Variants in MPP7 observed in about 807,000 individuals in gnomAD.
MPP7 encodes MAGUK p55 subfamily member 7.
In MPP7, 60 loss-of-function variants were observed where a neutral mutation model predicts 76.5. The ratio of observed to expected loss-of-function variants is 0.78; its 90% confidence interval spans 0.64 to 0.97. The LOEUF (loss-of-function observed/expected upper bound fraction) is 0.97, where lower values mean the gene tolerates loss of function less well. MPP7 is among the 50% of genes least tolerant of loss of function. The probability of loss-of-function intolerance (pLI) is 0.00; values close to 1 mark genes in which losing one functional copy is unlikely to be tolerated. For synonymous variants in MPP7, 237 were observed against 244.5 expected, an observed-to-expected ratio of 0.97 and a Z score of 0.29; for missense variants, 641 against 694.0, an observed-to-expected ratio of 0.92 and a Z score of 0.86.
intron 1 of MPP7, among the ~76,000 whole-genome samples, chr10:28,300,462 G>A (rs1312324725): frequency 6.6e-6 from 1 of 152,126 alleles, no homozygotes; most frequent in African/African-American, 2.4e-5. Flanking sequence ...GGAAATTTTT[G>A]CTTGGGTGCT....
intron 11 of MPP7, among the ~76,000 whole-genome samples, chr10:28,096,409 A>AT (rs961227241): frequency 2.6e-5 from 4 of 151,940 alleles, no homozygotes; most frequent in Admixed American, 2.0e-4. Context: ...AGTTGAGGGT[A>AT]TTTTTTTCAT....
chr10:28,287,995 G>A (rs570289840), intron 1 of MPP7, among the ~76,000 whole-genome samples: 26 of 152,222 alleles, frequency 1.7e-4, no homozygotes, highest in East Asian at 5.8e-4. Context: ...ATTAAAACAC[G>A]CCTCCATTTC....
At chr10:28,143,487 T>C (rs1835594877) in intron 5 of MPP7, among the ~76,000 whole-genome samples, 1 of 152,180 alleles carries the variant, frequency 6.6e-6, no homozygotes, top group African/African-American at 2.4e-5. Flanking sequence ...AAATCATGTA[T>C]ATTAATAAAT....
intron 1 of MPP7, among the ~76,000 whole-genome samples, chr10:28,296,262 G>A (rs61540243): frequency 0.018 from 2,668 of 152,176 alleles, 71 homozygotes; most frequent in African/African-American, 0.061. Flanking sequence ...GCACTGCCAA[G>A]AATGACCTTC....
intron 5 of MPP7, among the ~76,000 whole-genome samples, chr10:28,131,986 C>G (rs1835208347): frequency 1.3e-5 from 2 of 151,960 alleles, no homozygotes; most frequent in Non-Finnish European, 2.9e-5. Context: ...TGTACATTCT[C>G]TGGTTTATCC....
At chr10:28,274,342 G>A (rs568275128) in intron 1 of MPP7, among the ~76,000 whole-genome samples, 3 of 150,588 alleles carry the variant, frequency 2.0e-5, no homozygotes, top group South Asian at 4.3e-4. Flanking sequence ...CTCGTGATCC[G>A]CCCACCTCGG....
rs3064105 is a variant in MPP7, at chr10:28,217,537, AAAAAGAAAAG to A, written c.38-15276_38-15267del. 5.3e-3 allele frequency among the ~76,000 whole-genome samples: 729 copies of A among 138,150 alleles called. 4 individuals are homozygous for A. Among genetic ancestry groups the A allele is most frequent in the Non-Finnish European group, 7.0e-3 (457 of 65,504 alleles). The allele number at this position is 138,150 out of a possible 152,430, so 90.6% of individuals were successfully genotyped here. On this transcript the variant is annotated intron_variant, in intron 2 of 16. Transcript: ENST00000683449. Reference sequence around the variant, plus strand: ...GTGAGACTCTGTCTCAAAAAAAAAAAAAAAGAAAAGAAAAGAAAAGAAAAGAAAAACTGCA... The same window carrying A: ...GTGAGACTCTGTCTCAAAAAAAAAAAAAAAGAAAAGAAAAGAAAAACTGCA...
intron 3 of MPP7, among the ~76,000 whole-genome samples, chr10:28,177,958 G>T (rs893809340): frequency 6.6e-5 from 10 of 152,090 alleles, no homozygotes; most frequent in Non-Finnish European, 1.0e-4. Context: ...CAGATTCCAG[G>T]TCTCTCTGAT....
At chr10:28,086,702 C>T (rs1853027128) in intron 12 of MPP7, among the ~76,000 whole-genome samples, 1 of 152,144 alleles carries the variant, frequency 6.6e-6, no homozygotes, top group African/African-American at 2.4e-5. Context: ...TTCCATTACA[C>T]AGTTTTGAGG....
At chr10:28,114,052 C>T (rs773515843) in intron 11 of MPP7, among the ~76,000 whole-genome samples, 1 of 152,156 alleles carries the variant, frequency 6.6e-6, no homozygotes, top group Non-Finnish European at 1.5e-5. Flanking sequence ...CTGCTATCTT[C>T]AAGTACATTA....
intron 13 of MPP7, 42 bp downstream of exon 13, chr10:28,069,730 C>A (rs7919895): frequency 2.8e-6 from 4 of 1,418,220 alleles, no homozygotes; most frequent in Non-Finnish European, 3.8e-6. Flanking sequence ...TTAAAATTAT[C>A]GTAAGTGTAG....
chr10:28,141,525 T>C (rs1489269980), intron 5 of MPP7, among the ~76,000 whole-genome samples: 1 of 152,138 alleles, frequency 6.6e-6, no homozygotes, highest in Non-Finnish European at 1.5e-5. Context: ...GTTTACTGTA[T>C]AGAAACAACA....
intron 2 of MPP7, among the ~76,000 whole-genome samples, chr10:28,216,088 T>C (rs1314263655): frequency 2.0e-5 from 3 of 151,806 alleles, no homozygotes; most frequent in Admixed American, 2.0e-4. Context: ...CAATTGACCT[T>C]TGGCCAGGCA....
intron 6 of MPP7, among the ~76,000 whole-genome samples, chr10:28,131,194 T>C (rs1234438143): frequency 6.6e-6 from 1 of 152,206 alleles, no homozygotes; most frequent in Non-Finnish European, 1.5e-5. Flanking sequence ...TAAATTAGTT[T>C]AAATTTAAAA....
intron 2 of MPP7, among the ~76,000 whole-genome samples, chr10:28,222,809 G>A (rs1199406136): frequency 2.1e-4 from 28 of 135,298 alleles, no homozygotes; most frequent in Middle Eastern, 5.2e-3. Flanking sequence ...CCAAGATCGC[G>A]CCACTGCACT....
At chr10:28,096,115 G>C (rs1249805651) in intron 11 of MPP7, among the ~76,000 whole-genome samples, 2 of 152,142 alleles carry the variant, frequency 1.3e-5, no homozygotes, top group South Asian at 4.1e-4. Flanking sequence ...TAAAGGGAGA[G>C]ATCTGAGTTG....
At chr10:28,058,143 C>T (rs1851637555) in intron 15 of MPP7, among the ~76,000 whole-genome samples, 1 of 152,164 alleles carries the variant, frequency 6.6e-6, no homozygotes. Context: ...GTTACTAATA[C>T]ATAACACATA....
At chr10:28,303,777 T>C (rs1033612281), upstream of MPP7, among the ~76,000 whole-genome samples, 1 of 152,176 alleles carries the variant, frequency 6.6e-6, no homozygotes, top group African/African-American at 2.4e-5. Context: ...TAAACATGCT[T>C]AATATCTGAG....
At chr10:28,139,597 A>T (rs1835448737) in intron 5 of MPP7, among the ~76,000 whole-genome samples, 1 of 152,146 alleles carries the variant, frequency 6.6e-6, no homozygotes, top group African/African-American at 2.4e-5. Flanking sequence ...TTTGAGCTTT[A>T]ATTTTCTTAA....
Sources: allele counts gnomAD v4.1 joint callset (sites outside exome capture counted in the v4.1 genomes callset), GRCh38; gene constraint gnomAD v4.1.1; transcripts MANE v1.5; gene names NCBI Gene and HGNC (gene_info 2026-07-23, HGNC 2026-07-21).